The following ARHGAP10 variants were observed in gnomAD, a reference collection of about 807,000 sequenced individuals.
ARHGAP10 encodes the protein Rho GTPase activating protein 10.
A neutral mutation model predicts 108.6 loss-of-function variants in ARHGAP10; 87 were observed. The ratio of observed to expected loss-of-function variants is 0.80; its 90% CI spans 0.67 to 0.96. The LOEUF is 0.96. ARHGAP10 is among the 40% of genes least tolerant of loss of function. The probability of loss-of-function intolerance (pLI) is 0.00; values close to 1 mark genes in which losing one functional copy is unlikely to be tolerated. For synonymous variants in ARHGAP10, 347 were observed against 341.1 expected (o/e 1.02, Z -0.19); for missense variants, 939 against 954.5 (o/e 0.98, Z 0.21).
chr4:147,958,175 T>G (rs894937769), intron 16 of ARHGAP10, among the ~76,000 whole-genome samples: 20 of 152,208 alleles, frequency 1.3e-4, no homozygotes, highest in African/African-American at 4.8e-4. Context: ...TTGAGAAAGT[T>G]GTAGGCTATG....
intron 1 of ARHGAP10, among the ~76,000 whole-genome samples, chr4:147,814,149 C>T (rs551318659): frequency 1.3e-5 from 2 of 152,152 alleles, no homozygotes; most frequent in African/African-American, 2.4e-5. Flanking sequence ...TCTTTGTATT[C>T]GTACAGCACC....
chr4:147,995,600 T>A (rs182685377), intron 18 of ARHGAP10, among the ~76,000 whole-genome samples: 2 of 152,332 alleles, frequency 1.3e-5, no homozygotes, highest in Admixed American at 1.3e-4. Flanking sequence ...GACAGATTTG[T>A]CAGCCTTACA....
chr4:147,739,012 A>G (rs974351845), intron 1 of ARHGAP10, among the ~76,000 whole-genome samples: 1 of 150,928 alleles, frequency 6.6e-6, no homozygotes, highest in African/African-American at 2.4e-5. Context: ...GTGAAACCCC[A>G]TCTCTACTAA....
intron 20 of ARHGAP10, among the ~76,000 whole-genome samples, chr4:148,058,099 A>T (rs1205507709): frequency 6.6e-6 from 1 of 151,778 alleles, no homozygotes; most frequent in Non-Finnish European, 1.5e-5. Context: ...TTATTTGAAC[A>T]GAGATTTTCC....
chr4:147,983,591 G>C (rs1274632096), intron 18 of ARHGAP10, among the ~76,000 whole-genome samples: 1 of 150,940 alleles, frequency 6.6e-6, no homozygotes, highest in Non-Finnish European at 1.5e-5. Context: ...GGTCTCATCT[G>C]CCGTTAAGAC....
At chr4:147,865,033 G>T in intron 6 of ARHGAP10, 77 bp downstream of exon 6, 1 of 1,297,624 alleles carries the variant, frequency 7.7e-7, no homozygotes, top group Non-Finnish European at 1.1e-6. Context: ...TCTGATTTAT[G>T]GTTTATAGTT....
chr4:147,765,673 G>A (rs561953938), intron 1 of ARHGAP10, among the ~76,000 whole-genome samples: 1 of 152,280 alleles, frequency 6.6e-6, no homozygotes, highest in South Asian at 2.1e-4. Flanking sequence ...GGTGGCACAT[G>A]CCTGTTGTCC....
intron 3 of ARHGAP10, among the ~76,000 whole-genome samples, chr4:147,837,643 G>GTTTTTTTTTTTTGTTTTTT (rs1733223869): frequency 1.4e-5 from 1 of 70,220 alleles, no homozygotes; most frequent in Non-Finnish European, 3.0e-5. Flanking sequence ...TCTGGTCACT[G>GTTTTTTTTTTTTGTTTTTT]TTTTTTTTTT....
At chr4:147,835,504 G>A (rs1340715372) in intron 3 of ARHGAP10, among the ~76,000 whole-genome samples, 1 of 152,144 alleles carries the variant, frequency 6.6e-6, no homozygotes, top group Non-Finnish European at 1.5e-5. Flanking sequence ...TCCCTGAGTA[G>A]CTGGGGTTAC....
chr4:147,967,556 A>G (rs936754008), intron 18 of ARHGAP10, among the ~76,000 whole-genome samples: 3 of 152,352 alleles, frequency 2.0e-5, no homozygotes, highest in Non-Finnish European at 4.4e-5. Flanking sequence ...CTTCCCTCCC[A>G]CCATACCCAC....
chr4:147,769,582 ATACT>A (rs1044032869), intron 1 of ARHGAP10, among the ~76,000 whole-genome samples: 55 of 152,328 alleles, frequency 3.6e-4, no homozygotes, highest in African/African-American at 1.3e-3. Flanking sequence ...GAGATGATTA[ATACT>A]TACGGTGATC....
At chr4:147,908,599 C>T (rs1437814666) in intron 11 of ARHGAP10, among the ~76,000 whole-genome samples, 1 of 152,156 alleles carries the variant, frequency 6.6e-6, no homozygotes, top group Non-Finnish European at 1.5e-5. Flanking sequence ...AATTTGCCAG[C>T]CTTACAGTTC....
In ARHGAP10 at chr4:147,739,170, G is replaced by C. The variant is rs149506195; in HGVS notation, c.154+6715G>C. On this transcript the variant is annotated intron_variant, in intron 1 of 22. Transcript: ENST00000336498. ...CCATTGCACTCCAGCCTGGGCAACA[G>C]AGCGAGACTCTGTCTCAAAAAAAAA... is the stretch of plus-strand genomic sequence containing the variant. Among the ~76,000 whole-genome samples, 451 of 142,424 alleles carry C rather than the reference G, an allele frequency of 3.2e-3. 1 individual carries two copies. The highest frequency in any genetic ancestry group is 0.012 in the African/African-American group (432 of 37,116). 93.4% of individuals were successfully genotyped at this position (142,424 alleles called of 152,430 possible). A position where few individuals can be genotyped will look rare whatever the true frequency, so the allele number is the denominator to read the frequency against.
chr4:148,039,697 A>G (rs1003223108), intron 19 of ARHGAP10, among the ~76,000 whole-genome samples: 1 of 151,880 alleles, frequency 6.6e-6, no homozygotes, highest in Non-Finnish European at 1.5e-5. Context: ...TGCTTTTTCC[A>G]TATGGGTGCT....
chr4:148,061,622 T>A (rs1313455564), intron 20 of ARHGAP10, among the ~76,000 whole-genome samples: 1 of 152,176 alleles, frequency 6.6e-6, no homozygotes, highest in Non-Finnish European at 1.5e-5. Flanking sequence ...TGTTTTTTTT[T>A]TTTAAATGAC....
chr4:147,901,640 T>C (rs752614422), intron 10 of ARHGAP10, among the ~76,000 whole-genome samples: 3 of 152,222 alleles, frequency 2.0e-5, no homozygotes, highest in Non-Finnish European at 4.4e-5. Context: ...TACGCTTCTT[T>C]GGATTTTTAT....
In ARHGAP10 at chr4:147,877,820, T is replaced by C. The variant is rs575068220; in HGVS notation, c.833-1412T>C. Among the ~76,000 whole-genome samples, 3 of 93,014 alleles carry C rather than the reference T, an allele frequency of 3.2e-5. No homozygotes were observed. The South Asian group carries it at 9.4e-4, about 29-fold the overall frequency. 61.0% of individuals were successfully genotyped at this position (93,014 alleles called of 152,430 possible). ...GTCTTAGATTTCTTATTCTTCATAC[T>C]TTTTTTTTTTTTTTGCTGAGATTAC... On this transcript the variant is annotated intron_variant, in intron 8 of 22. Coordinates refer to ENST00000336498, the MANE Select transcript of ARHGAP10 (RefSeq NM_024605.4).
intron 18 of ARHGAP10, among the ~76,000 whole-genome samples, chr4:148,015,340 C>T (rs780018875): frequency 6.6e-6 from 1 of 152,200 alleles, no homozygotes; most frequent in Non-Finnish European, 1.5e-5. Context: ...TAAGGTCTGA[C>T]TGCCACTGAC....
chr4:147,778,594 TTC>T (rs1446172051), intron 1 of ARHGAP10, among the ~76,000 whole-genome samples: 1 of 152,204 alleles, frequency 6.6e-6, no homozygotes, highest in Admixed American at 6.5e-5. Flanking sequence ...TATGCACGTG[TTC>T]TCTCCCTCAT....
Sources: gnomAD v4.1 joint callset for allele counts (sites outside exome capture counted in the v4.1 genomes callset) on GRCh38, gnomAD v4.1.1 for gene constraint, MANE v1.5 for transcripts, NCBI Gene and HGNC (gene_info 2026-07-23, HGNC 2026-07-21) for gene names.